MARCHF4: variants seen among roughly 807,000 people sequenced by gnomAD.
MARCHF4 encodes E3 ubiquitin-protein ligase MARCHF4.
MARCHF4 carries 14 observed loss-of-function variants against 43.9 expected under a neutral mutation model. The observed-to-expected ratio is 0.32, with a 90% confidence interval of 0.21 to 0.50. MARCHF4 has a LOEUF of 0.50. Ranked by LOEUF, MARCHF4 falls within the 20% of genes least tolerant of loss-of-function variation. The probability of loss-of-function intolerance (pLI) is 0.98; values close to 1 mark genes in which losing one functional copy is unlikely to be tolerated. For synonymous variants in MARCHF4, 226 were observed against 213.3 expected (o/e 1.06, Z -0.52); for missense variants, 468 against 536.7 (o/e 0.87, Z 1.27).
At chr2:216,338,339 T>G (rs1049409078) in intron 1 of MARCHF4, among the ~76,000 whole-genome samples, 1 of 152,176 alleles carries the variant, frequency 6.6e-6, no homozygotes, top group Admixed American at 6.5e-5. Flanking sequence ...CATTGCCAAC[T>G]GGTTCAGCCA....
rs1415317849 is a variant in MARCHF4 at position 216,369,729 on chromosome 2, A to G, written c.516+16T>C. 6.5e-7 allele frequency: 1 copy of G among 1,541,898 alleles called. No homozygotes were observed. Among genetic ancestry groups the G allele is most frequent in the Non-Finnish European group, 8.8e-7 (1 of 1,141,550 alleles). ...AAAATACCACAGGAAGCAGGAGAAG[A>G]GAAAAGGGGACTCACCTGTTCTGGC... On this transcript the variant is annotated intron_variant, in intron 1 of 3. Coordinates refer to ENST00000273067, the MANE Select transcript of MARCHF4 (RefSeq NM_020814.3).
intron 1 of MARCHF4, among the ~76,000 whole-genome samples, chr2:216,337,615 C>T (rs921427100): frequency 1.3e-5 from 2 of 152,116 alleles, no homozygotes; most frequent in Non-Finnish European, 2.9e-5. Flanking sequence ...GCTTAGAAGC[C>T]AGGACACGCT....
At chr2:216,341,059 T>C (rs1692229202) in intron 1 of MARCHF4, among the ~76,000 whole-genome samples, 1 of 152,158 alleles carries the variant, frequency 6.6e-6, no homozygotes, top group Non-Finnish European at 1.5e-5. Context: ...CCCCAGCGTT[T>C]ACCCTCTCTG....
chr2:216,287,489 C>T (rs1691233973), intron 1 of MARCHF4, among the ~76,000 whole-genome samples: 1 of 151,796 alleles, frequency 6.6e-6, no homozygotes. Context: ...CTGGGAATGA[C>T]TAAAACAAGA....
intron 2 of MARCHF4, among the ~76,000 whole-genome samples, chr2:216,280,839 CACTG>C (rs1559088513): frequency 6.6e-6 from 1 of 152,154 alleles, no homozygotes; most frequent in Non-Finnish European, 1.5e-5. Flanking sequence ...ATATTTAGAA[CACTG>C]ACTGGCCCCT....
At chr2:216,356,524 G>T (rs183343772) in intron 1 of MARCHF4, among the ~76,000 whole-genome samples, 1 of 152,222 alleles carries the variant, frequency 6.6e-6, no homozygotes, top group East Asian at 1.9e-4. Context: ...GAAGTTCGGA[G>T]GATTTAATTG....
intron 1 of MARCHF4, among the ~76,000 whole-genome samples, chr2:216,336,066 TAAAAAAAAAA>T (rs34216672): frequency 2.3e-4 from 14 of 60,622 alleles, no homozygotes; most frequent in Non-Finnish European, 9.1e-5. Context: ...AGACTCTGTC[TAAAAAAAAAA>T]AAAAAAAAAA....
At chr2:216,270,144 T>C (rs889356632) in intron 3 of MARCHF4, among the ~76,000 whole-genome samples, 4 of 151,942 alleles carry the variant, frequency 2.6e-5, no homozygotes, top group Non-Finnish European at 1.5e-5. Context: ...GGCATAATCA[T>C]AGCTCACTAT....
intron 1 of MARCHF4, among the ~76,000 whole-genome samples, chr2:216,367,290 T>TCC (rs1491218638): frequency 6.7e-6 from 1 of 148,500 alleles, no homozygotes. Context: ...TTTTAGCGTG[T>TCC]CTCTCTCTCT....
chr2:216,276,231 T>G (rs1691019693), intron 3 of MARCHF4, among the ~76,000 whole-genome samples: 1 of 152,186 alleles, frequency 6.6e-6, no homozygotes, highest in African/African-American at 2.4e-5. Flanking sequence ...GTTTCCCCCT[T>G]CCATGCCAGA....
At chr2:216,290,181 A>C (rs1180834513) in intron 1 of MARCHF4, among the ~76,000 whole-genome samples, 2 of 152,346 alleles carry the variant, frequency 1.3e-5, no homozygotes, top group Non-Finnish European at 2.9e-5. Context: ...GAAATGGAAT[A>C]GAAAGGAGGG....
At chr2:216,352,146 T>A (rs1434729354) in intron 1 of MARCHF4, among the ~76,000 whole-genome samples, 2 of 152,204 alleles carry the variant, frequency 1.3e-5, no homozygotes. Context: ...CCTTGGCACG[T>A]CCAGGGGTTT....
intron 1 of MARCHF4, among the ~76,000 whole-genome samples, chr2:216,316,924 T>C (rs929673815): frequency 6.6e-6 from 1 of 152,088 alleles, no homozygotes; most frequent in African/African-American, 2.4e-5. Flanking sequence ...TACATTTTGC[T>C]CAACAGGAGT....
chr2:216,353,047 C>A (rs548383764), intron 1 of MARCHF4, among the ~76,000 whole-genome samples: 1 of 152,318 alleles, frequency 6.6e-6, no homozygotes, highest in African/African-American at 2.4e-5. Flanking sequence ...AAGCCACCCA[C>A]CAGCTTCTAC....
intron 3 of MARCHF4, among the ~76,000 whole-genome samples, chr2:216,270,994 A>G (rs1200403697): frequency 1.3e-5 from 2 of 152,216 alleles, no homozygotes; most frequent in African/African-American, 2.4e-5. Flanking sequence ...TAGTTGCTAG[A>G]GTTCAATTTA....
chr2:216,347,099 G>A lies in MARCHF4; in HGVS notation c.516+22646C>T, dbSNP rs190925367. Among the ~76,000 whole-genome samples, 35 of 152,268 alleles carry A rather than the reference G, an allele frequency of 2.3e-4. No homozygotes were observed. In the East Asian group the frequency reaches 5.8e-3, roughly 25 times the overall value. On this transcript the variant is annotated intron_variant, in intron 1 of 3. Coordinates refer to ENST00000273067, the MANE Select transcript of MARCHF4 (RefSeq NM_020814.3). The stretch of plus-strand genomic sequence containing the variant: ...AGTTTCCTGAGGCCTCCTCAGCCAC[G>A]TTTCCTGCACAGCCTGTGGAACCAT...
chr2:216,326,653 C>T (rs1691996867), intron 1 of MARCHF4, among the ~76,000 whole-genome samples: 1 of 152,124 alleles, frequency 6.6e-6, no homozygotes, highest in Non-Finnish European at 1.5e-5. Context: ...GAGTTCATGT[C>T]CTTTGTAGGG....
At chr2:216,357,510 A>G (rs1692520234) in intron 1 of MARCHF4, among the ~76,000 whole-genome samples, 1 of 152,170 alleles carries the variant, frequency 6.6e-6, no homozygotes, top group Admixed American at 6.5e-5. Flanking sequence ...TTGTAGAAAC[A>G]AAGTTTCACT....
intron 1 of MARCHF4, among the ~76,000 whole-genome samples, chr2:216,338,785 C>T (rs952546394): frequency 6.6e-6 from 1 of 152,110 alleles, no homozygotes; most frequent in Admixed American, 6.6e-5. Context: ...TCTTGAACTC[C>T]AAAGTCTTCA....
Sources: gnomAD v4.1 joint callset for allele counts (sites outside exome capture counted in the v4.1 genomes callset) on GRCh38, gnomAD v4.1.1 for gene constraint, MANE v1.5 for transcripts, NCBI Gene and HGNC (gene_info 2026-07-23, HGNC 2026-07-21) for gene names.